PEF1: variants seen among roughly 807,000 people sequenced by gnomAD.
PEF1 encodes peflin.
A neutral mutation model predicts 32.0 loss-of-function variants in PEF1; 17 were observed. The ratio of observed to expected loss-of-function variants is 0.53; its 90% CI spans 0.36 to 0.80. PEF1 has a LOEUF of 0.80. PEF1 is among the 30% of genes least tolerant of loss of function. The pLI, the probability that PEF1 is intolerant of heterozygous loss-of-function variation, is 0.00. For missense variants in PEF1, 362 were observed against 369.1 expected, an observed-to-expected ratio of 0.98 and a Z score of 0.16; for synonymous variants, 130 against 139.8, an observed-to-expected ratio of 0.93 and a Z score of 0.50.
At chr1:31,633,762 C>T (rs1640180081) in intron 2 of PEF1, among the ~76,000 whole-genome samples, 2 of 152,188 alleles carry the variant, frequency 1.3e-5, no homozygotes, top group East Asian at 3.9e-4. Flanking sequence ...TTGAGACCAG[C>T]TTGACCAACA....
At chr1:31,635,128 C>T in intron 2 of PEF1, 94 bp downstream of exon 2, 1 of 1,468,826 alleles carries the variant, frequency 6.8e-7, no homozygotes, top group Middle Eastern at 1.8e-4. Context: ...TGCCAGAGAC[C>T]AGGCTGCCTG....
rs182741586 is a variant in PEF1 at position 31,630,409 on chromosome 1, C to T, written c.*204G>A. 3.0e-4 allele frequency: 183 copies of T among 600,310 alleles called. No individual in the cohort carries two copies. Among genetic ancestry groups the T allele is most frequent in the African/African-American group, 3.0e-3 (161 of 54,058 alleles). 37.2% of individuals were successfully genotyped at this position (600,310 alleles called of 1,614,324 possible). On this transcript the variant is annotated 3_prime_UTR_variant, in exon 5 of 5. Coordinates refer to ENST00000373703, the MANE Select transcript of PEF1 (RefSeq NM_012392.4). The stretch of plus-strand genomic sequence containing the variant: ...TTCTATCCTCTCCTCCATCAGGCCC[C>T]TATCTGTGTGGCCTCAGCCCCGGTC...
intron 1 of PEF1, chr1:31,644,305 T>A: frequency 1.1e-6 from 1 of 936,314 alleles, no homozygotes; most frequent in Non-Finnish European, 1.3e-6. Context: ...AGGTAAGTTC[T>A]GTGTCTTCTC....
chr1:31,630,690 T>C lies in PEF1; in HGVS notation c.778A>G (p.Lys260Glu), dbSNP rs774191997. Reference protein sequence around the residue: ...LQVLTEAFREKDTAVQGNIRL... With the variant: ...LQVLTEAFREEDTAVQGNIRL... ...ATGTTGCCTTGTACAGCTGTGTCCT[T>C]CTCCCGGAAGGCCTCTGTCAGCACC... Residue 260 changes from lysine to glutamate, a missense_variant, in exon 5 of 5, where the codon AAG becomes GAG. Lys to Glu is a moderately conservative substitution (Grantham distance 56, BLOSUM62 1). Coordinates refer to ENST00000373703, the MANE Select transcript of PEF1 (RefSeq NM_012392.4). 1.9e-6 allele frequency: 3 copies of C among 1,613,916 alleles called. No individual in the cohort carries two copies. Among genetic ancestry groups the C allele is most frequent in the South Asian group, 1.1e-5 (1 of 91,058 alleles).
chr1:31,637,848 C>T (rs1640298311), intron 1 of PEF1, among the ~76,000 whole-genome samples: 1 of 152,062 alleles, frequency 6.6e-6, no homozygotes, highest in South Asian at 2.1e-4. Context: ...GAAAACCACT[C>T]ACATAAGAAA....
chr1:31,644,374 G>T, intron 1 of PEF1: 1 of 1,008,370 alleles, frequency 9.9e-7, no homozygotes, highest in Non-Finnish European at 1.2e-6. Context: ...GGTCAAACCA[G>T]CTCACTTGTG....
At chr1:31,638,810 A>C (rs1640321521) in intron 1 of PEF1, among the ~76,000 whole-genome samples, 1 of 152,240 alleles carries the variant, frequency 6.6e-6, no homozygotes, top group African/African-American at 2.4e-5. Context: ...AGATGAAGAA[A>C]CTAAGCCACG....
At chr1:31,632,284 C>G (rs1168856454) in intron 4 of PEF1, 2 of 836,268 alleles carry the variant, frequency 2.4e-6, no homozygotes, top group African/African-American at 3.4e-5. Flanking sequence ...AGCCCTGATT[C>G]TGGACCCAGG....
At chr1:31,638,276 G>A (rs558173311) in intron 1 of PEF1, among the ~76,000 whole-genome samples, 20 of 152,148 alleles carry the variant, frequency 1.3e-4, no homozygotes, top group South Asian at 1.0e-3. Flanking sequence ...AGATGGGGGA[G>A]GGAGGGAGGG....
At chr1:31,639,862 G>C (rs1039853788) in intron 1 of PEF1, among the ~76,000 whole-genome samples, 1 of 152,218 alleles carries the variant, frequency 6.6e-6, no homozygotes, top group Non-Finnish European at 1.5e-5. Flanking sequence ...TGCACAGGAA[G>C]TTTGGGGAAG....
intron 2 of PEF1, among the ~76,000 whole-genome samples, chr1:31,633,768 C>G (rs1396608726): frequency 2.6e-5 from 4 of 151,988 alleles, no homozygotes; most frequent in Non-Finnish European, 5.9e-5. Context: ...CCAGCTTGAC[C>G]AACATGGAGA....
intron 2 of PEF1, chr1:31,634,692 C>T (rs940775065): frequency 1.1e-5 from 4 of 354,824 alleles, no homozygotes; most frequent in Non-Finnish European, 2.2e-5. Context: ...TTGCTAATCT[C>T]CCCTTCCCTA....
In PEF1 at chr1:31,635,532, G is replaced by A. The variant is rs762454169; in HGVS notation, c.25-10C>T. On this transcript the variant is annotated splice_polypyrimidine_tract_variant and intron_variant, in intron 1 of 4. Transcript: ENST00000373703. ...CAGCTCCTGGGCAGCCCTGCAGGAAGAGCAAGATATCAGTCAGAATGATGA... is the reference window on the plus strand; with the variant it reads ...CAGCTCCTGGGCAGCCCTGCAGGAAAAGCAAGATATCAGTCAGAATGATGA... 32 of 1,508,288 alleles carry A rather than the reference G, an allele frequency of 2.1e-5. No individual in the cohort carries two copies. The South Asian group carries it at 3.2e-4, about 15-fold the overall frequency. 93.4% of individuals were successfully genotyped at this position (1,508,288 alleles called of 1,614,324 possible).
Position 31,630,632 on chromosome 1 carries a change from G to C in PEF1, c.836C>G (p.Thr279Arg), listed in dbSNP as rs760183446. The change falls in exon 5 of 5, where the codon ACA (threonine) becomes AGA (arginine). Residue 279 changes from threonine (T) to arginine (R), a missense_variant. Thr to Arg is a moderately conservative substitution (Grantham distance 71). Coordinates refer to ENST00000373703, the MANE Select transcript of PEF1 (RefSeq NM_012392.4). ...GTTGGGTCATAGCATCCGAGAAGCT[G>C]TCATGGTGACGAAGTCCTCGAAGCT... ...RLSFEDFVTM[T>R]ASRML The C allele has an allele frequency of 1.9e-6, 3 of 1,612,394 alleles. No individual in the cohort carries two copies. The highest frequency in any genetic ancestry group is 1.3e-5 in the African/African-American group (1 of 74,880).
intron 1 of PEF1, among the ~76,000 whole-genome samples, chr1:31,642,157 C>T (rs113230821): frequency 6.6e-6 from 1 of 152,186 alleles, no homozygotes; most frequent in Non-Finnish European, 1.5e-5. Flanking sequence ...TGCTTGAACC[C>T]GGGAGACGGA....
At chr1:31,637,551 G>A (rs945742606) in intron 1 of PEF1, among the ~76,000 whole-genome samples, 12 of 150,914 alleles carry the variant, frequency 8.0e-5, no homozygotes, top group African/African-American at 2.4e-4. Context: ...AGGCTAAAGC[G>A]GAAGGATCAC....
At chr1:31,644,273 T>G in intron 1 of PEF1, 1 of 712,818 alleles carries the variant, frequency 1.4e-6, no homozygotes, top group Non-Finnish European at 1.7e-6. Context: ...TCGGCCCTGC[T>G]GCCTAACTGC....
chr1:31,638,599 C>T (rs112589354), intron 1 of PEF1, among the ~76,000 whole-genome samples: 1,595 of 152,354 alleles, frequency 0.01, 22 homozygotes, highest in African/African-American at 0.037. Flanking sequence ...CCCAGGCCAA[C>T]AAAGCAGGTG....
chr1:31,643,525 G>A (rs1388857121), intron 1 of PEF1, among the ~76,000 whole-genome samples: 7 of 152,170 alleles, frequency 4.6e-5, no homozygotes. Context: ...CTAAGCTCTG[G>A]TCATGGCCTC....
Sources: gnomAD v4.1 joint callset for allele counts (sites outside exome capture counted in the v4.1 genomes callset) on GRCh38, gnomAD v4.1.1 for gene constraint, MANE v1.5 for transcripts, NCBI Gene and HGNC (gene_info 2026-07-23, HGNC 2026-07-21) for gene names.